The following ZNF229 variants were observed in gnomAD, a reference collection of about 807,000 sequenced individuals.
ZNF229 encodes zinc finger protein 229.
In ZNF229, 10 loss-of-function variants were observed where a neutral mutation model predicts 11.8. That is an observed-to-expected ratio of 0.85 (90% CI 0.52 to 1.44). ZNF229 has a LOEUF of 1.44. Ranked by LOEUF, ZNF229 falls within the 40% of genes most tolerant of loss-of-function variation. The pLI, the probability that ZNF229 is intolerant of heterozygous loss-of-function variation, is 0.00. For synonymous variants in ZNF229, 368 were observed against 374.8 expected, an observed-to-expected ratio of 0.98 and a Z score of 0.21; for missense variants, 1,045 against 1,015.1, an observed-to-expected ratio of 1.03 and a Z score of -0.40.
chr19:44,436,209 C>T (rs11882340), intron 4 of ZNF229, among the ~76,000 whole-genome samples: 15,114 of 151,990 alleles, frequency 0.099, 756 homozygotes, highest in Middle Eastern at 0.16. Flanking sequence ...CCCATATCTA[C>T]AAAAAATAGA....
In ZNF229 at chr19:44,432,250, T is replaced by G; in HGVS notation, c.210A>C (p.Leu70=). 3 of 1,613,472 alleles carry G rather than the reference T, an allele frequency of 1.9e-6. No individual in the cohort carries two copies. Among genetic ancestry groups the G allele is most frequent in the Non-Finnish European group, 2.5e-6 (3 of 1,179,838 alleles). The part of the protein sequence containing the change: ...QDVMQENFRN[L]LSVGERNPLG... ...GAGGATTCCTCTCACCCACTGAGAG[T>G]AGGTTCCTGAAATTCTCCTGCATCA... is the stretch of plus-strand genomic sequence containing the variant. Residue 70 remains leucine, a synonymous_variant, in exon 5 of 6, where the codon CTA becomes CTC. Coordinates refer to ENST00000614049, the MANE Select transcript of ZNF229 (RefSeq NM_014518.4).
rs868857135 is a variant in ZNF229 at position 44,432,552 on chromosome 19, A to T, written c.94-186T>A. 9.6e-4 allele frequency among the ~76,000 whole-genome samples: 146 copies of T among 152,184 alleles called. 1 individual carries two copies. Among genetic ancestry groups the T allele is most frequent in the African/African-American group, 3.5e-3 (145 of 41,440 alleles). On this transcript the variant is annotated intron_variant, in intron 4 of 5. Transcript: ENST00000614049. ...ATGTCCTTTGTAGGGACATGGATGA[A>T]GCTGGAAACCATCATTCTCAGCAAA...
intron 2 of ZNF229, among the ~76,000 whole-genome samples, chr19:44,443,322 A>G (rs746085464): frequency 4.6e-5 from 7 of 152,226 alleles, no homozygotes; most frequent in Admixed American, 1.3e-4. Context: ...TGACCTGTGA[A>G]GAAACACCTG....
Position 44,426,470 on chromosome 19 carries a change from A to G in ZNF229, c.*1833T>C, listed in dbSNP as rs764722739. On this transcript the variant is annotated 3_prime_UTR_variant, in exon 6 of 6. Coordinates refer to ENST00000614049, the MANE Select transcript of ZNF229 (RefSeq NM_014518.4). ...TCTTTTTTTCTCTGTTGCTCTAAAC[A>G]TACACACAGAAAAACATACTAACAA... 6.6e-6 allele frequency: 1 copy of G among 152,196 alleles called. No individual in the cohort carries two copies. The highest frequency in any genetic ancestry group is 1.5e-5 in the Non-Finnish European group (1 of 68,050). The allele number at this position is 152,196 out of a possible 1,614,324, so 9.4% of individuals were successfully genotyped here.
rs1054032976 is a variant in ZNF229 at position 44,428,147 on chromosome 19, C to T, written c.*156G>A. On this transcript the variant is annotated 3_prime_UTR_variant, in exon 6 of 6. Transcript: ENST00000614049. The stretch of plus-strand genomic sequence containing the variant: ...CTGAAGTGCTAACCTATTTATCACA[C>T]ATCCAGGTGTTCCCTTCCTATGCAG... The T allele has an allele frequency of 1.4e-4, 108 of 768,710 alleles. 1 individual carries two copies. The highest frequency in any genetic ancestry group is 4.8e-4 in the East Asian group (18 of 37,304). The allele number at this position is 768,710 out of a possible 1,614,324, so 47.6% of individuals were successfully genotyped here. A position where few individuals can be genotyped will look rare whatever the true frequency, so the allele number is the denominator to read the frequency against.
chr19:44,428,660 T>C lies in ZNF229; in HGVS notation c.2121A>G (p.Thr707=), dbSNP rs763123026. The C allele has an allele frequency of 1.2e-6, 2 of 1,614,014 alleles. No individual in the cohort carries two copies. The highest frequency in any genetic ancestry group is 1.1e-5 in the South Asian group (1 of 91,070). The change falls in exon 6 of 6, where the codon ACA becomes ACG. Residue 707 remains threonine, a synonymous_variant. Coordinates refer to ENST00000614049, the MANE Select transcript of ZNF229 (RefSeq NM_014518.4). ...CACAACAAGTGTAGGGTTTCTCTCCTGTGTGCAACCTCTGGTGGGTGCGAA... is the reference window on the plus strand; with the variant it reads ...CACAACAAGTGTAGGGTTTCTCTCCCGTGTGCAACCTCTGGTGGGTGCGAA... The part of the protein sequence containing the change: ...SNLRTHQRLH[T]GEKPYTCCEC...
chr19:44,443,303 T>C (rs1971948729), intron 2 of ZNF229, among the ~76,000 whole-genome samples: 1 of 152,180 alleles, frequency 6.6e-6, no homozygotes, highest in African/African-American at 2.4e-5. Context: ...CACAAATATA[T>C]GGGACCTGTG....
In ZNF229 at chr19:44,432,038, C is replaced by T. The variant is rs751104310; in HGVS notation, c.238+184G>A. On this transcript the variant is annotated intron_variant, in intron 5 of 5. Coordinates refer to ENST00000614049, the MANE Select transcript of ZNF229 (RefSeq NM_014518.4). ...TCACCAGAACCCAACTATGCTGGCA[C>T]CCTGATCTCAGACTGTGCCTTCCAG... The T allele has an allele frequency of 2.0e-5, 25 of 1,234,724 alleles. 1 individual carries two copies. Among genetic ancestry groups the T allele is most frequent in the Non-Finnish European group, 2.6e-5 (25 of 948,516 alleles). 76.5% of individuals were successfully genotyped at this position (1,234,724 alleles called of 1,614,324 possible).
At chr19:44,444,980 A>C (rs1449473316) in intron 2 of ZNF229, among the ~76,000 whole-genome samples, 2 of 152,164 alleles carry the variant, frequency 1.3e-5, no homozygotes, top group Admixed American at 6.5e-5. Context: ...CACAATCTAC[A>C]CACTGATGAC....
Position 44,429,727 on chromosome 19 carries a change from C to T in ZNF229, c.1054G>A (p.Asp352Asn), listed in dbSNP as rs1462820738. The T allele has an allele frequency of 6.2e-7, 1 of 1,614,010 alleles. No individual in the cohort carries two copies. The highest frequency in any genetic ancestry group is 8.5e-7 in the Non-Finnish European group (1 of 1,180,042). The change falls in exon 6 of 6, where the codon GAT (aspartate) becomes AAT (asparagine). Residue 352 changes from aspartate to asparagine, a missense_variant. Coordinates refer to ENST00000614049, the MANE Select transcript of ZNF229 (RefSeq NM_014518.4). ...TACCTGAACCCCTTTCCACAGACAT[C>T]ACATCTATAGGGCATGTCTCCCACA... ...APVGDMPYRC[D>N]VCGKGFRYKS...
At chr19:44,446,447 G>C (rs1972004612) in intron 2 of ZNF229, among the ~76,000 whole-genome samples, 1 of 152,198 alleles carries the variant, frequency 6.6e-6, no homozygotes, top group Non-Finnish European at 1.5e-5. Flanking sequence ...CCTTTTGAAT[G>C]AGTCTGTACT....
At chr19:44,442,107 AC>A (rs1261615780) in intron 4 of ZNF229, among the ~76,000 whole-genome samples, 3 of 150,664 alleles carry the variant, frequency 2.0e-5, no homozygotes, top group Admixed American at 6.6e-5. Flanking sequence ...CATAGATGAA[AC>A]TTTTCTAATA....
At chr19:44,438,983 C>A (rs1199733801) in intron 4 of ZNF229, among the ~76,000 whole-genome samples, 2 of 152,180 alleles carry the variant, frequency 1.3e-5, no homozygotes, top group Non-Finnish European at 2.9e-5. Context: ...CCCCAACTTG[C>A]AGCTGGTTGG....
At position 44,428,508 on chromosome 19, in the gene ZNF229, T is replaced by A. The variant is rs1971625238; in HGVS notation, c.2273A>T (p.His758Leu). 1 of 1,613,644 alleles carries A rather than the reference T, an allele frequency of 6.2e-7. No individual in the cohort carries two copies. Among genetic ancestry groups the A allele is most frequent in the East Asian group, 2.2e-5 (1 of 44,874 alleles). Residue 758 changes from histidine to leucine, a missense_variant, in exon 6 of 6, where the codon CAT (histidine) becomes CTT (leucine). Coordinates refer to ENST00000614049, the MANE Select transcript of ZNF229 (RefSeq NM_014518.4). The part of the protein sequence containing the change: ...GYSQSSHLQG[H>L]QRVHTGEKPY... ...TTTCTCACCAGTGTGGACCCTCTGA[T>A]GACCTTGAAGATGTGAGCTCTGACT...
chr19:44,440,105 T>A (rs926754202), intron 4 of ZNF229, among the ~76,000 whole-genome samples: 1 of 151,870 alleles, frequency 6.6e-6, no homozygotes, highest in African/African-American at 2.4e-5. Flanking sequence ...AATTTTTGTG[T>A]AGGGGGGAGC....
chr19:44,430,420 C>G lies in ZNF229; in HGVS notation c.361G>C (p.Asp121His), dbSNP rs756795952. The G allele has an allele frequency of 6.2e-7, 1 of 1,614,166 alleles. No homozygotes were observed. The highest frequency in any genetic ancestry group is 1.1e-5 in the South Asian group (1 of 91,080). Residue 121 changes from aspartate to histidine, a missense_variant, in exon 6 of 6, where the codon GAC becomes CAC. Asp to His is a moderately conservative substitution (Grantham distance 81). Coordinates refer to ENST00000614049, the MANE Select transcript of ZNF229 (RefSeq NM_014518.4). ...EVAGELPGSQ[D>H]CRVNLQGKDF... ...TTTCCTTGCAGATTTACTCTACAGT[C>G]TTGGCTCCCAGGTAATTCACCTGCC...
chr19:44,442,429 T>G (rs1971928082), intron 4 of ZNF229, 134 bp downstream of exon 4: 2 of 848,170 alleles, frequency 2.4e-6, no homozygotes, highest in Non-Finnish European at 1.9e-6. Flanking sequence ...ACATCACTAT[T>G]TTGTGGATAA....
intron 2 of ZNF229, among the ~76,000 whole-genome samples, chr19:44,446,412 T>C (rs1366242739): frequency 1.3e-5 from 2 of 152,376 alleles, no homozygotes; most frequent in Middle Eastern, 3.4e-3. Flanking sequence ...TTTGTAGTTA[T>C]ATTAACACCA....
chr19:44,440,384 C>G (rs1445497778), intron 4 of ZNF229, among the ~76,000 whole-genome samples: 1 of 152,136 alleles, frequency 6.6e-6, no homozygotes, highest in Non-Finnish European at 1.5e-5. Flanking sequence ...AGAAGTTACA[C>G]CATTTATCCA....
Sources: gnomAD v4.1 joint callset for allele counts (sites outside exome capture counted in the v4.1 genomes callset) on GRCh38, gnomAD v4.1.1 for gene constraint, MANE v1.5 for transcripts, NCBI Gene and HGNC (gene_info 2026-07-23, HGNC 2026-07-21) for gene names.